TRAPPC9: variants seen among roughly 807,000 people sequenced by gnomAD.
The protein encoded by TRAPPC9 is IKK2 binding protein.
In TRAPPC9, 83 loss-of-function variants were observed where a neutral mutation model predicts 124.0. The observed-to-expected ratio is 0.67, with a 90% CI of 0.56 to 0.80. TRAPPC9 has a LOEUF of 0.80. Among genes scored for constraint, TRAPPC9 ranks in the 30% least tolerant of loss-of-function variants. The probability of loss-of-function intolerance (pLI) is 0.00; values close to 1 mark genes in which losing one functional copy is unlikely to be tolerated. For missense variants in TRAPPC9, 1,302 were observed against 1,508.3 expected (o/e 0.86, Z 2.27); for synonymous variants, 638 against 617.5 (o/e 1.03, Z -0.49).
In TRAPPC9 at chr8:140,287,590, T is replaced by A. The variant is rs912523870; in HGVS notation, c.1981+18A>T. 2 of 1,613,804 alleles carry A rather than the reference T, an allele frequency of 1.2e-6. No individual in the cohort carries two copies. Among genetic ancestry groups the A allele is most frequent in the African/African-American group, 2.7e-5 (2 of 74,876 alleles). ...AGCAGACCCTCCTGAGCAGGAAGCA[T>A]GAAGGGACTCTCCTTACCGTTCACA... On this transcript the variant is annotated intron_variant, in intron 13 of 22. Transcript: ENST00000438773.
rs571077193 is a variant in TRAPPC9, at chr8:140,376,266, A to G, written c.1135-5086T>C. On this transcript the variant is annotated intron_variant, in intron 7 of 22. Coordinates refer to ENST00000438773, the MANE Select transcript of TRAPPC9 (RefSeq NM_001160372.4). ...AGGAGATAGGTCCATAAAGAATCAC[A>G]GTGTTGGAGGCCGGGCGCGGTGGCT... Among the ~76,000 whole-genome samples the G allele has an allele frequency of 6.6e-5, 10 of 152,268 alleles. 1 individual carries two copies. In the South Asian group the frequency reaches 1.4e-3, roughly 22 times the overall value.
chr8:139,993,050 G>A (rs1325904467), intron 18 of TRAPPC9, among the ~76,000 whole-genome samples: 5 of 152,044 alleles, frequency 3.3e-5, no homozygotes, highest in Admixed American at 1.3e-4. Flanking sequence ...AGAATAAAAT[G>A]TTTGGCTGCA....
intron 17 of TRAPPC9, among the ~76,000 whole-genome samples, chr8:140,155,562 G>A (rs2061614124): frequency 6.6e-6 from 1 of 152,190 alleles, no homozygotes; most frequent in South Asian, 2.1e-4. Flanking sequence ...GATCACACAG[G>A]CGATCATGCA....
chr8:140,298,229 T>C (rs1563926411), intron 11 of TRAPPC9, among the ~76,000 whole-genome samples: 2 of 152,342 alleles, frequency 1.3e-5, no homozygotes, highest in East Asian at 3.9e-4. Context: ...GCAAACAACT[T>C]TATTTCCTCT....
chr8:140,404,795 T>C (rs11166974), intron 6 of TRAPPC9, among the ~76,000 whole-genome samples: 47,179 of 150,618 alleles, frequency 0.31, 7,710 homozygotes, highest in East Asian at 0.44. Flanking sequence ...CTTGTATGTA[T>C]GTGTGTGTGA....
At chr8:140,389,727 A>G (rs2068867955) in intron 7 of TRAPPC9, among the ~76,000 whole-genome samples, 1 of 152,188 alleles carries the variant, frequency 6.6e-6, no homozygotes, top group Non-Finnish European at 1.5e-5. Flanking sequence ...TAGAATTTCT[A>G]AAAGCAATAA....
At chr8:140,135,067 C>A (rs1358559029) in intron 17 of TRAPPC9, among the ~76,000 whole-genome samples, 1 of 152,152 alleles carries the variant, frequency 6.6e-6, no homozygotes, top group African/African-American at 2.4e-5. Context: ...TGAAAAAATA[C>A]TGAACATTAC....
chr8:140,014,555 G>C, intron 18 of TRAPPC9, among the ~76,000 whole-genome samples: 1 of 152,104 alleles, frequency 6.6e-6, no homozygotes, highest in South Asian at 2.1e-4. Flanking sequence ...GGTGAGCAGA[G>C]CTAAGAGGCT....
intron 21 of TRAPPC9, among the ~76,000 whole-genome samples, chr8:139,821,699 G>A (rs1288669257): frequency 2.0e-5 from 3 of 152,212 alleles, no homozygotes; most frequent in Non-Finnish European, 4.4e-5. Context: ...TGTAATCAAT[G>A]TTTTTAAAGT....
intron 19 of TRAPPC9, among the ~76,000 whole-genome samples, chr8:139,947,103 C>T (rs1407503536): frequency 6.6e-6 from 1 of 152,176 alleles, no homozygotes; most frequent in African/African-American, 2.4e-5. Flanking sequence ...TGCAGGGTTT[C>T]CATGCAACTC....
At chr8:140,377,174 C>T (rs575842233) in intron 7 of TRAPPC9, among the ~76,000 whole-genome samples, 1 of 152,336 alleles carries the variant, frequency 6.6e-6, no homozygotes, top group Admixed American at 6.5e-5. Flanking sequence ...GAAATACTGC[C>T]TATTTTACCA....
intron 21 of TRAPPC9, among the ~76,000 whole-genome samples, chr8:139,775,804 T>A (rs1821318656): frequency 6.6e-6 from 1 of 152,214 alleles, no homozygotes; most frequent in Non-Finnish European, 1.5e-5. Context: ...ATGGTCAAGA[T>A]GAAGTGCTTG....
At position 140,438,093 on chromosome 8, in the gene TRAPPC9, C is replaced by A. The variant is rs567131588; in HGVS notation, c.730+959G>T. Among the ~76,000 whole-genome samples, 57 of 152,262 alleles carry A rather than the reference C, an allele frequency of 3.7e-4. 1 individual carries two copies. The highest frequency in any genetic ancestry group is 3.4e-3 in the Middle Eastern group (1 of 294). ...ATATTCACAACTGTGCAACCATCAC[C>A]ACTAACTGACTCTGGAACATTTTCA... On this transcript the variant is annotated intron_variant, in intron 3 of 22. Coordinates refer to ENST00000438773, the MANE Select transcript of TRAPPC9 (RefSeq NM_001160372.4).
intron 17 of TRAPPC9, among the ~76,000 whole-genome samples, chr8:140,037,902 A>G (rs920887913): frequency 6.8e-6 from 1 of 146,860 alleles, no homozygotes; most frequent in African/African-American, 2.5e-5. Flanking sequence ...ACACACACAC[A>G]CACACACACC....
Position 140,002,109 on chromosome 8 carries a change from A to G in TRAPPC9, c.2700-13273T>C, listed in dbSNP as rs571166253. ...ATGAGGTCAGCATTATCTAATACCA[A>G]AACCAGACAAAGACGGAAGAAAAAA... is the stretch of plus-strand genomic sequence containing the variant. On this transcript the variant is annotated intron_variant, in intron 18 of 22. Coordinates refer to ENST00000438773, the MANE Select transcript of TRAPPC9 (RefSeq NM_001160372.4). 5.3e-5 allele frequency among the ~76,000 whole-genome samples: 8 copies of G among 152,232 alleles called. No individual in the cohort carries two copies. The Middle Eastern group carries it at 0.01, about 194-fold the overall frequency.
intron 17 of TRAPPC9, among the ~76,000 whole-genome samples, chr8:140,141,163 C>T (rs927487897): frequency 1.3e-4 from 20 of 152,222 alleles, no homozygotes; most frequent in African/African-American, 1.7e-4. Context: ...TAGTTGTCCT[C>T]CCTTTTCCCC....
At chr8:140,139,447 G>A (rs578177090) in intron 17 of TRAPPC9, among the ~76,000 whole-genome samples, 3 of 152,254 alleles carry the variant, frequency 2.0e-5, no homozygotes, top group East Asian at 3.9e-4. Flanking sequence ...CCAACAGAAC[G>A]ATGTGAATAC....
intron 21 of TRAPPC9, among the ~76,000 whole-genome samples, chr8:139,829,072 G>A (rs947792349): frequency 1.3e-5 from 2 of 152,176 alleles, no homozygotes; most frequent in East Asian, 1.9e-4. Context: ...AGATCAACAT[G>A]GCAAGCTTCT....
chr8:140,046,627 G>T (rs1841616240), intron 17 of TRAPPC9, among the ~76,000 whole-genome samples: 1 of 152,208 alleles, frequency 6.6e-6, no homozygotes, highest in South Asian at 2.1e-4. Flanking sequence ...GTGCTTTGGT[G>T]GACATGAGCC....
Sources: allele counts gnomAD v4.1 joint callset (sites outside exome capture counted in the v4.1 genomes callset), GRCh38; gene constraint gnomAD v4.1.1; transcripts MANE v1.5; gene names NCBI Gene and HGNC (gene_info 2026-07-23, HGNC 2026-07-21).